FBLN7: variants seen among roughly 807,000 people sequenced by gnomAD.
FBLN7 encodes the protein fibulin-7.
A neutral mutation model predicts 44.0 loss-of-function variants in FBLN7; 31 were observed. The ratio of observed to expected loss-of-function variants is 0.70; its 90% CI spans 0.53 to 0.95. The LOEUF (loss-of-function observed/expected upper bound fraction) is 0.95. Among genes scored for constraint, FBLN7 ranks in the 40% least tolerant of loss-of-function variants. FBLN7 has a pLI of 0.00. For missense variants in FBLN7, 573 were observed against 618.5 expected, an observed-to-expected ratio of 0.93 and a Z score of 0.78; for synonymous variants, 262 against 253.4, an observed-to-expected ratio of 1.03 and a Z score of -0.32.
Position 112,164,998 on chromosome 2 carries a change from C to G in FBLN7, c.236-3C>G, listed in dbSNP as rs1253762753. On this transcript the variant is annotated splice_region_variant and splice_polypyrimidine_tract_variant and intron_variant, in intron 2 of 7. Transcript: ENST00000331203. ...CTCGTAATCCTTCCATCTCTCCTTA[C>G]AGTTTCCTGCCCGGCTCTGAACACC... 1 of 1,613,526 alleles carries G rather than the reference C, an allele frequency of 6.2e-7. No individual in the cohort carries two copies. The highest frequency in any genetic ancestry group is 1.7e-5 in the Admixed American group (1 of 59,978).
intron 5 of FBLN7, among the ~76,000 whole-genome samples, chr2:112,182,220 CG>C (rs1264660856): frequency 6.6e-6 from 1 of 152,106 alleles, no homozygotes; most frequent in East Asian, 1.9e-4. Context: ...GTTGGTAGAG[CG>C]GGCCCGGAGC....
At chr2:112,177,534 C>CAT (rs1385205243) in intron 4 of FBLN7, 1 of 152,126 alleles carries the variant, frequency 6.6e-6, no homozygotes, top group East Asian at 1.9e-4. Context: ...GATGATAAAA[C>CAT]ATATATATAA....
chr2:112,165,296 G>A (rs913826262), intron 3 of FBLN7, 125 bp downstream of exon 3: 1 of 1,230,598 alleles, frequency 8.1e-7, no homozygotes, highest in Non-Finnish European at 1.1e-6. Context: ...CTCAACCACA[G>A]AACAGCAGCC....
the FBLN7 span, among the ~76,000 whole-genome samples, chr2:112,244,007 T>C: frequency 4.7e-3 from 644 of 137,654 alleles, 7 homozygotes; most frequent in African/African-American, 0.017. Context: ...AGGAAATATC[T>C]TGGGATATAA....
the FBLN7 span, among the ~76,000 whole-genome samples, chr2:112,219,623 T>C: frequency 6.6e-6 from 1 of 152,158 alleles, no homozygotes; most frequent in African/African-American, 2.4e-5. Context: ...TCTTGCACAG[T>C]GGTCTGATGA....
chr2:112,189,936 A>C (rs961987938), downstream of FBLN7: 27 of 152,138 alleles, frequency 1.8e-4, no homozygotes, highest in Admixed American at 1.5e-3. Context: ...TGAGTGGCTT[A>C]TATTTTTTTG....
At chr2:112,196,374 C>CTTTTTTTTTTT in the FBLN7 span, among the ~76,000 whole-genome samples, 6 of 63,250 alleles carry the variant, frequency 9.5e-5, no homozygotes, top group Non-Finnish European at 1.7e-4. Context: ...TCTTCTTCTT[C>CTTTTTTTTTTT]TTTTTTTTTT....
At chr2:112,142,885 G>A (rs1680723824) in intron 1 of FBLN7, among the ~76,000 whole-genome samples, 1 of 152,024 alleles carries the variant, frequency 6.6e-6, no homozygotes, top group South Asian at 2.1e-4. Context: ...GATTGTATGT[G>A]TGATGGTAAG....
At chr2:112,181,386 G>A (rs541190789) in intron 4 of FBLN7, among the ~76,000 whole-genome samples, 13 of 151,934 alleles carry the variant, frequency 8.6e-5, no homozygotes, top group Non-Finnish European at 1.5e-4. Flanking sequence ...AAAAATAGTG[G>A]CCCATGGTTT....
Position 112,138,566 on chromosome 2 carries a change from T to G in FBLN7, c.-90T>G. The stretch of plus-strand genomic sequence containing the variant: ...CCCGGCCGCGCGGCGCCCCGCACCC[T>G]GCAGGGACGGCTGCCGCATCGCTGG... On this transcript the variant is annotated 5_prime_UTR_variant, in exon 1 of 8. Transcript: ENST00000331203. 1.5e-6 allele frequency: 2 copies of G among 1,379,134 alleles called. No homozygotes were observed. The highest frequency in any genetic ancestry group is 9.8e-7 in the Non-Finnish European group (1 of 1,022,788). 85.4% of individuals were successfully genotyped at this position (1,379,134 alleles called of 1,614,324 possible).
At chr2:112,235,936 T>TAA in the FBLN7 span, among the ~76,000 whole-genome samples, 3,440 of 122,540 alleles carry the variant, frequency 0.028, 150 homozygotes, top group African/African-American at 0.088. Context: ...AGTATAACAC[T>TAA]AAAAAAAAAA....
At chr2:112,227,584 GCA>G in the FBLN7 span, among the ~76,000 whole-genome samples, 44 of 152,280 alleles carry the variant, frequency 2.9e-4, no homozygotes, top group East Asian at 8.3e-3. Flanking sequence ...AGGAATACAT[GCA>G]CACACAAAAT....
chr2:112,157,741 C>T (rs1184705989), intron 1 of FBLN7, among the ~76,000 whole-genome samples: 1 of 152,168 alleles, frequency 6.6e-6, no homozygotes, highest in African/African-American at 2.4e-5. Flanking sequence ...TTCCTGCCTA[C>T]AGGCGAGCAC....
At chr2:112,175,932 C>A in intron 4 of FBLN7, 93 bp downstream of exon 4, 1 of 1,452,342 alleles carries the variant, frequency 6.9e-7, no homozygotes, top group Non-Finnish European at 9.3e-7. Flanking sequence ...ATGTAGGGAG[C>A]TCAGTCCCCC....
Position 112,182,847 on chromosome 2 carries a change from G to C in FBLN7, c.727G>C (p.Ala243Pro), listed in dbSNP as rs369700908. The change falls in exon 6 of 8, where the codon GCC (alanine) becomes CCC (proline). Residue 243 changes from alanine (A) to proline (P), a missense_variant. Physicochemically the swap from Ala to Pro is conservative, Grantham distance 27. Transcript: ENST00000331203. The stretch of plus-strand genomic sequence containing the variant: ...GGGGCGCCCCCGGCTCTGCATGCAC[G>C]CCTGCGTGAACACCCCGGGCTCTTA... The part of the protein sequence containing the change: ...QEGRPRLCMH[A>P]CVNTPGSYRC... 2.5e-6 allele frequency: 4 copies of C among 1,612,706 alleles called. No individual in the cohort carries two copies. Among genetic ancestry groups the C allele is most frequent in the Non-Finnish European group, 2.5e-6 (3 of 1,179,712 alleles).
At chr2:112,181,380 A>G (rs1475789395) in intron 4 of FBLN7, among the ~76,000 whole-genome samples, 1 of 152,148 alleles carries the variant, frequency 6.6e-6, no homozygotes, top group Non-Finnish European at 1.5e-5. Context: ...GAAACAAAAA[A>G]TAGTGGCCCA....
chr2:112,236,676 TTTA>T, the FBLN7 span: 2 of 1,611,256 alleles, frequency 1.2e-6, no homozygotes, highest in Non-Finnish European at 1.7e-6. Context: ...CTTTAAGATT[TTTA>T]TTTTTTTGTT....
At chr2:112,200,183 G>A in the FBLN7 span, among the ~76,000 whole-genome samples, 2 of 152,180 alleles carry the variant, frequency 1.3e-5, no homozygotes, top group African/African-American at 4.8e-5. Context: ...GCTCTCAACT[G>A]CAATCCCTGA....
At chr2:112,175,915 T>C (rs1682719291) in intron 4 of FBLN7, 76 bp downstream of exon 4, 1 of 1,557,224 alleles carries the variant, frequency 6.4e-7, no homozygotes, top group Admixed American at 1.9e-5. Flanking sequence ...GGTCCCCAAA[T>C]GCAGACATGT....
Sources: gnomAD v4.1 joint callset for allele counts (sites outside exome capture counted in the v4.1 genomes callset) on GRCh38, gnomAD v4.1.1 for gene constraint, MANE v1.5 for transcripts, NCBI Gene and HGNC (gene_info 2026-07-23, HGNC 2026-07-21) for gene names.